The following VIT variants were observed in gnomAD, a reference collection of about 807,000 sequenced individuals.
The protein encoded by VIT is vitrin.
A neutral mutation model predicts 78.0 loss-of-function variants in VIT; 99 were observed. That is an observed-to-expected ratio of 1.27 (90% confidence interval 1.08 to 1.50). The LOEUF is 1.50. Among genes scored for constraint, VIT ranks in the 40% most tolerant of loss-of-function variants. VIT has a pLI of 0.00. For missense variants in VIT, 1,126 were observed against 875.3 expected, an observed-to-expected ratio of 1.29 and a Z score of -3.61; for synonymous variants, 374 against 334.3, an observed-to-expected ratio of 1.12 and a Z score of -1.29.
intron 6 of VIT, chr2:36,759,524 A>G: frequency 4.5e-6 from 5 of 1,111,652 alleles, no homozygotes; most frequent in Non-Finnish European, 4.4e-6. Flanking sequence ...CTCAGCTTTC[A>G]TGTGAACCAC....
chr2:36,767,067 C>T (rs1189358365), intron 6 of VIT, 27 bp from the exon 7 acceptor site: 2 of 1,542,506 alleles, frequency 1.3e-6, no homozygotes, highest in Admixed American at 2.1e-5. Flanking sequence ...ATTTTGTGGG[C>T]CTTGGTATAA....
intron 6 of VIT, chr2:36,759,543 G>C (rs974804762): frequency 2.8e-6 from 3 of 1,087,954 alleles, no homozygotes; most frequent in Middle Eastern, 4.3e-4. Context: ...ACAAAAGGGA[G>C]TATCGGTAGA....
At position 36,754,953 on chromosome 2, in the gene VIT, T is replaced by C; in HGVS notation, c.308T>C (p.Leu103Pro). The C allele has an allele frequency of 6.2e-7, 1 of 1,614,138 alleles. No homozygotes were observed. Among genetic ancestry groups the C allele is most frequent in the Non-Finnish European group, 8.5e-7 (1 of 1,180,006 alleles). ...GVLDNSGGKI[L>P]VRKVAGQSGY... is the part of the protein sequence containing the mutation. Reference sequence around the variant, plus strand: ...CTTGATAATTCAGGAGGGAAAATACTTGTTCGGAAGGTTGCTGGACAGTCT... The same window carrying C: ...CTTGATAATTCAGGAGGGAAAATACCTGTTCGGAAGGTTGCTGGACAGTCT... Residue 103 changes from leucine (L) to proline (P), a missense_variant, in exon 5 of 16, where the codon CTT (leucine) becomes CCT (proline). Physicochemically the swap from Leu to Pro is moderately conservative, Grantham distance 98. Transcript: ENST00000379242.
chr2:36,784,371 C>G (rs1664955750), intron 11 of VIT, among the ~76,000 whole-genome samples: 2 of 152,170 alleles, frequency 1.3e-5, no homozygotes, highest in South Asian at 4.2e-4. Flanking sequence ...CCTTGCTACC[C>G]AAAGTGTGGT....
At chr2:36,775,121 C>T in intron 9 of VIT, 54 bp downstream of exon 9, 1 of 1,603,070 alleles carries the variant, frequency 6.2e-7, no homozygotes, top group East Asian at 2.2e-5. Flanking sequence ...CTCTGTGGCA[C>T]TTTGCAAACA....
chr2:36,759,288 T>C (rs1668966208), intron 6 of VIT: 1 of 1,458,122 alleles, frequency 6.9e-7, no homozygotes, highest in Non-Finnish European at 9.0e-7. Flanking sequence ...TTTGTGTCAT[T>C]TTCATTCAGA....
At chr2:36,721,552 T>C (rs539563552) in intron 2 of VIT, among the ~76,000 whole-genome samples, 23 of 152,332 alleles carry the variant, frequency 1.5e-4, no homozygotes, top group Non-Finnish European at 2.6e-4. Flanking sequence ...CCTCCACTCT[T>C]GCTCTCCATG....
At chr2:36,722,334 A>G (rs1424795734) in intron 2 of VIT, among the ~76,000 whole-genome samples, 1 of 152,210 alleles carries the variant, frequency 6.6e-6, no homozygotes, top group Non-Finnish European at 1.5e-5. Context: ...CGACTGCAGC[A>G]TTAGCCAAGG....
chr2:36,790,556 C>G (rs1257256207), intron 12 of VIT, among the ~76,000 whole-genome samples: 3 of 152,214 alleles, frequency 2.0e-5, no homozygotes, highest in African/African-American at 7.2e-5. Context: ...CTACCACACT[C>G]ATCACACGCC....
In VIT at chr2:36,781,784, C is replaced by T. The variant is rs376446115; in HGVS notation, c.847+13C>T. 1 of 1,613,862 alleles carries T rather than the reference C, an allele frequency of 6.2e-7. No individual in the cohort carries two copies. Among genetic ancestry groups the T allele is most frequent in the African/African-American group, 1.3e-5 (1 of 74,870 alleles). On this transcript the variant is annotated intron_variant, in intron 10 of 15. Transcript: ENST00000379242. ...CTTTTAGATGAAGGTAATTATACAG[C>T]CCAACCTCTCAGCCACGCGTGGATC...
At chr2:36,730,627 G>C (rs1379886456) in intron 3 of VIT, among the ~76,000 whole-genome samples, 1 of 152,228 alleles carries the variant, frequency 6.6e-6, no homozygotes, top group African/African-American at 2.4e-5. Flanking sequence ...GGCCACATTG[G>C]CATGCCCCAG....
chr2:36,731,142 T>C (rs542083936), intron 3 of VIT, among the ~76,000 whole-genome samples: 1 of 152,176 alleles, frequency 6.6e-6, no homozygotes, highest in Non-Finnish European at 1.5e-5. Flanking sequence ...CCTATCTGCC[T>C]AGGCATTTGG....
At chr2:36,806,342 AC>A (rs1666726034) in intron 14 of VIT, among the ~76,000 whole-genome samples, 1 of 151,672 alleles carries the variant, frequency 6.6e-6, no homozygotes, top group African/African-American at 2.4e-5. Context: ...GCAGGGCTCA[AC>A]CTCCTGCACC....
chr2:36,758,994 CTACCCATCAGCTCTTACA>C lies in VIT; in HGVS notation c.439_456del (p.Pro147_Tyr152del). On this transcript the variant is annotated inframe_deletion, in exon 6 of 16. Transcript: ENST00000379242. ...AAAGTAAACCCAAAAAGGGTGTAAC[CTACCCATCAGCTCTTACA>C]TACTCATCATCGAAAAGTCCAGCTG... 6.2e-7 allele frequency: 1 copy of C among 1,614,018 alleles called. No homozygotes were observed. Among genetic ancestry groups the C allele is most frequent in the Non-Finnish European group, 8.5e-7 (1 of 1,180,008 alleles).
intron 15 of VIT, among the ~76,000 whole-genome samples, chr2:36,813,533 C>G (rs1016510601): frequency 1.3e-5 from 2 of 152,084 alleles, no homozygotes; most frequent in East Asian, 3.9e-4. Flanking sequence ...GTTGGACACC[C>G]CTTTCTTTAT....
At chr2:36,795,365 A>T (rs13009850) in intron 12 of VIT, among the ~76,000 whole-genome samples, 96,780 of 147,850 alleles carry the variant, frequency 0.65, 32,232 homozygotes, top group East Asian at 0.98. Flanking sequence ...ATTTTATTTT[A>T]TTTATTTTAT....
At chr2:36,793,720 A>AGT (rs138488611) in intron 12 of VIT, among the ~76,000 whole-genome samples, 2 of 78,168 alleles carry the variant, frequency 2.6e-5, no homozygotes, top group Non-Finnish European at 5.7e-5. Flanking sequence ...TGTTTGAGAA[A>AGT]ATAGAAAAGT....
intron 12 of VIT, among the ~76,000 whole-genome samples, chr2:36,799,467 C>G (rs971222255): frequency 1.3e-5 from 2 of 152,216 alleles, no homozygotes; most frequent in Admixed American, 1.3e-4. Context: ...AATCTTGGCA[C>G]TTTGGGAGGC....
intron 14 of VIT, among the ~76,000 whole-genome samples, chr2:36,808,071 G>C (rs11892193): frequency 0.18 from 28,072 of 152,138 alleles, 5,630 homozygotes; most frequent in African/African-American, 0.5. Context: ...TCTCTTTTCC[G>C]AACTGGAATA....
Sources: gnomAD v4.1 joint callset for allele counts (sites outside exome capture counted in the v4.1 genomes callset) on GRCh38, gnomAD v4.1.1 for gene constraint, MANE v1.5 for transcripts, NCBI Gene and HGNC (gene_info 2026-07-23, HGNC 2026-07-21) for gene names.